The following WDR72 variants were observed in gnomAD, a reference collection of about 807,000 sequenced individuals.
The protein encoded by WDR72 is WD repeat-containing protein 72.
In WDR72, 120 loss-of-function variants were observed where a neutral mutation model predicts 124.2. The ratio of observed to expected loss-of-function variants is 0.97; its 90% CI spans 0.83 to 1.12. The LOEUF is 1.12. Ranked by LOEUF, WDR72 falls within the 50% of genes most tolerant of loss-of-function variation. The probability of loss-of-function intolerance (pLI) is 0.00; values close to 1 mark genes in which losing one functional copy is unlikely to be tolerated. For missense variants in WDR72, 1,387 were observed against 1,278.8 expected (o/e 1.08, Z -1.29); for synonymous variants, 452 against 441.7 (o/e 1.02, Z -0.29).
intron 18 of WDR72, among the ~76,000 whole-genome samples, chr15:53,571,323 T>G (rs1894518765): frequency 6.6e-6 from 1 of 152,118 alleles, no homozygotes; most frequent in Admixed American, 6.6e-5. Context: ...TGAATTTATT[T>G]CTCTTATTGA....
At chr15:53,598,160 A>G (rs1221098689) in intron 17 of WDR72, among the ~76,000 whole-genome samples, 1 of 152,150 alleles carries the variant, frequency 6.6e-6, no homozygotes, top group African/African-American at 2.4e-5. Flanking sequence ...CACTGCTGAT[A>G]TAGACGAACT....
intron 13 of WDR72, among the ~76,000 whole-genome samples, chr15:53,682,964 C>T (rs998503578): frequency 1.3e-5 from 2 of 152,116 alleles, no homozygotes; most frequent in Non-Finnish European, 2.9e-5. Context: ...GTGGAAGCCT[C>T]AGGAAACTTA....
At chr15:53,601,870 C>T (rs1359542184) in intron 17 of WDR72, among the ~76,000 whole-genome samples, 1 of 152,122 alleles carries the variant, frequency 6.6e-6, no homozygotes, top group Non-Finnish European at 1.5e-5. Context: ...TACAAAGAGA[C>T]TTAGATCCCC....
upstream of WDR72, among the ~76,000 whole-genome samples, chr15:53,761,340 G>T (rs923770656): frequency 2.0e-5 from 3 of 152,172 alleles, no homozygotes; most frequent in Non-Finnish European, 4.4e-5. Flanking sequence ...AGGATGTGGA[G>T]AGAAGGGAAC....
intron 13 of WDR72, among the ~76,000 whole-genome samples, chr15:53,671,762 A>G (rs1200717156): frequency 6.6e-6 from 1 of 152,188 alleles, no homozygotes; most frequent in Non-Finnish European, 1.5e-5. Flanking sequence ...AGAACTTGTA[A>G]TTGGAGACAG....
rs181830884 is a variant in WDR72, at chr15:53,663,245, C to T, written c.1962+2327G>A. Among the ~76,000 whole-genome samples, 382 of 151,968 alleles carry T rather than the reference C, an allele frequency of 2.5e-3. 3 individuals are homozygous for T. Among genetic ancestry groups the T allele is most frequent in the African/African-American group, 8.9e-3 (370 of 41,488 alleles). On this transcript the variant is annotated intron_variant, in intron 14 of 19. Transcript: ENST00000360509. ...AGGAGAAGCACAAATAAATATTGTT[C>T]TAATTAGCACTAAATTCAATAATAA...
At chr15:53,650,007 G>A (rs145754302) in intron 14 of WDR72, among the ~76,000 whole-genome samples, 3 of 152,148 alleles carry the variant, frequency 2.0e-5, no homozygotes, top group African/African-American at 7.2e-5. Flanking sequence ...GTTTATTGCA[G>A]CATCACAATA....
At chr15:53,663,147 A>G (rs1483833579) in intron 14 of WDR72, among the ~76,000 whole-genome samples, 3 of 151,954 alleles carry the variant, frequency 2.0e-5, no homozygotes. Context: ...CTCTATCAGG[A>G]TGAAATGCTA....
At chr15:53,522,353 A>C (rs1891850946) in intron 19 of WDR72, among the ~76,000 whole-genome samples, 1 of 152,044 alleles carries the variant, frequency 6.6e-6, no homozygotes, top group African/African-American at 2.4e-5. Flanking sequence ...GGATCAGCAC[A>C]CAAAGATGTG....
Position 53,716,602 on chromosome 15 carries a change from C to A in WDR72, c.339+5G>T. The A allele has an allele frequency of 6.3e-7, 1 of 1,595,356 alleles. No individual in the cohort carries two copies. Among genetic ancestry groups the A allele is most frequent in the African/African-American group, 1.3e-5 (1 of 74,700 alleles). ...AAATGCCCTGAAGGAAGTGAGTGTACTTACACAGATTGCAGTGTGCCTGTA... is the reference window on the plus strand; with the variant it reads ...AAATGCCCTGAAGGAAGTGAGTGTAATTACACAGATTGCAGTGTGCCTGTA... On this transcript the variant is annotated splice_donor_5th_base_variant and intron_variant, in intron 4 of 19. Coordinates refer to ENST00000360509, the MANE Select transcript of WDR72 (RefSeq NM_182758.4).
intron 17 of WDR72, among the ~76,000 whole-genome samples, chr15:53,609,209 G>A (rs1449497705): frequency 6.6e-6 from 1 of 152,000 alleles, no homozygotes; most frequent in South Asian, 2.1e-4. Context: ...GTACTTTAAT[G>A]TATGGCATAT....
At chr15:53,697,052 T>C (rs2017024434) in intron 13 of WDR72, among the ~76,000 whole-genome samples, 1 of 152,226 alleles carries the variant, frequency 6.6e-6, no homozygotes, top group African/African-American at 2.4e-5. Context: ...GTTTTTAAAC[T>C]ATTAATATAG....
intron 10 of WDR72, 56 bp from the exon 11 acceptor site, chr15:53,705,289 T>C (rs2017319115): frequency 6.4e-7 from 1 of 1,557,428 alleles, no homozygotes; most frequent in Non-Finnish European, 8.8e-7. Context: ...ATCATAGACA[T>C]GGAAAATATC....
At chr15:53,584,359 G>C (rs1201819441) in intron 18 of WDR72, among the ~76,000 whole-genome samples, 1 of 151,852 alleles carries the variant, frequency 6.6e-6, no homozygotes, top group Admixed American at 6.6e-5. Flanking sequence ...GATCCTAATG[G>C]GCATTTGGTG....
chr15:53,713,144 C>A (rs967670918), intron 6 of WDR72, among the ~76,000 whole-genome samples: 3 of 147,998 alleles, frequency 2.0e-5, no homozygotes, highest in Admixed American at 1.4e-4. Flanking sequence ...GTATGTACTC[C>A]TGAAAGTTTA....
chr15:53,610,197 C>T (rs1951555849), intron 16 of WDR72, among the ~76,000 whole-genome samples: 1 of 152,056 alleles, frequency 6.6e-6, no homozygotes, highest in Non-Finnish European at 1.5e-5. Flanking sequence ...TTCTATTTGC[C>T]TTAATGTTCA....
At chr15:53,629,600 G>A (rs138409909) in intron 14 of WDR72, among the ~76,000 whole-genome samples, 43 of 152,124 alleles carry the variant, frequency 2.8e-4, no homozygotes, top group African/African-American at 1.0e-3. Context: ...ATTAAGTTAG[G>A]TCCACTGAAA....
intron 18 of WDR72, among the ~76,000 whole-genome samples, chr15:53,594,165 C>T (rs979743842): frequency 9.9e-5 from 15 of 151,648 alleles, no homozygotes; most frequent in African/African-American, 3.4e-4. Context: ...GACATTGTTG[C>T]CATATTGCTA....
At chr15:53,605,470 C>T (rs1348757487) in intron 17 of WDR72, among the ~76,000 whole-genome samples, 3 of 152,188 alleles carry the variant, frequency 2.0e-5, no homozygotes, top group Admixed American at 6.5e-5. Context: ...CAAACCTGCA[C>T]TTATACCCCT....
Sources: allele counts gnomAD v4.1 joint callset (sites outside exome capture counted in the v4.1 genomes callset), GRCh38; gene constraint gnomAD v4.1.1; transcripts MANE v1.5; gene names NCBI Gene and HGNC (gene_info 2026-07-23, HGNC 2026-07-21).